The following NEGR1 variants were observed in gnomAD, a reference collection of about 807,000 sequenced individuals.
NEGR1 encodes IgLON family member 4.
In NEGR1, 10 loss-of-function variants were observed where a neutral mutation model predicts 40.9. The ratio of observed to expected loss-of-function variants is 0.24; its 90% CI spans 0.15 to 0.42. The LOEUF is 0.42. Among genes scored for constraint, NEGR1 ranks in the 10% least tolerant of loss-of-function variants. The probability of loss-of-function intolerance (pLI) is 1.00; values close to 1 mark genes in which losing one functional copy is unlikely to be tolerated. For synonymous variants in NEGR1, 185 were observed against 166.8 expected, an observed-to-expected ratio of 1.11 and a Z score of -0.84; for missense variants, 352 against 438.9, an observed-to-expected ratio of 0.80 and a Z score of 1.77.
intron 6 of NEGR1, among the ~76,000 whole-genome samples, chr1:71,421,067 G>A (rs552828702): frequency 6.6e-6 from 1 of 151,984 alleles, no homozygotes; most frequent in South Asian, 2.1e-4. Context: ...TTCATAATGT[G>A]TTCAATTTGA....
chr1:71,519,745 T>C (rs565597805), intron 6 of NEGR1, among the ~76,000 whole-genome samples: 128 of 135,670 alleles, frequency 9.4e-4, no homozygotes, highest in Non-Finnish European at 1.2e-3. Context: ...AAAAAAAAAA[T>C]TAAAAAAAAA....
At chr1:71,481,209 T>C (rs549694291) in intron 6 of NEGR1, among the ~76,000 whole-genome samples, 4 of 151,990 alleles carry the variant, frequency 2.6e-5, no homozygotes, top group African/African-American at 9.6e-5. Flanking sequence ...TGCTATCTTT[T>C]CCTGCCTTCC....
chr1:71,926,177 AC>A (rs1645770417), intron 2 of NEGR1, among the ~76,000 whole-genome samples: 1 of 152,168 alleles, frequency 6.6e-6, no homozygotes, highest in South Asian at 2.1e-4. Flanking sequence ...AGGGATAATT[AC>A]TTTAAATTAT....
intron 1 of NEGR1, among the ~76,000 whole-genome samples, chr1:72,187,671 AT>A (rs57904513): frequency 1 from 150,910 of 151,200 alleles, 75,310 homozygotes; most frequent in Non-Finnish European, 1. Context: ...AACCTGGTAT[AT>A]TTTTTTAGGT....
chr1:71,838,766 A>G (rs185301320), intron 2 of NEGR1, among the ~76,000 whole-genome samples: 3 of 152,266 alleles, frequency 2.0e-5, no homozygotes, highest in Non-Finnish European at 2.9e-5. Context: ...ACATAATAGT[A>G]CAAAAAGCCT....
intron 4 of NEGR1, among the ~76,000 whole-genome samples, chr1:71,639,320 A>T (rs938348113): frequency 6.6e-6 from 1 of 152,096 alleles, no homozygotes; most frequent in African/African-American, 2.4e-5. Context: ...TGAAAAACAG[A>T]ATTGCAATTA....
chr1:72,099,459 TG>T (rs1356424417), intron 1 of NEGR1, among the ~76,000 whole-genome samples: 1 of 152,012 alleles, frequency 6.6e-6, no homozygotes, highest in Non-Finnish European at 1.5e-5. Context: ...AAAATACACA[TG>T]GTATTCTAGC....
chr1:72,012,995 G>A lies in NEGR1; in HGVS notation c.177-77684C>T, dbSNP rs78665786. Among the ~76,000 whole-genome samples, 1,060 of 151,506 alleles carry A rather than the reference G, an allele frequency of 7.0e-3. 15 individuals are homozygous for A. The highest frequency in any genetic ancestry group is 0.022 in the African/African-American group (914 of 41,372). ...AAAAAACAGATTAATAGGAGATATGGCATATAACATTTATTTTAATATGAA... is the reference window on the plus strand; with the variant it reads ...AAAAAACAGATTAATAGGAGATATGACATATAACATTTATTTTAATATGAA... On this transcript the variant is annotated intron_variant, in intron 1 of 6. Transcript: ENST00000357731.
At chr1:71,990,618 T>G (rs542728344) in intron 1 of NEGR1, among the ~76,000 whole-genome samples, 26 of 152,154 alleles carry the variant, frequency 1.7e-4, no homozygotes, top group Non-Finnish European at 3.5e-4. Context: ...CATTTACTCC[T>G]GGTAAAATGA....
intron 1 of NEGR1, among the ~76,000 whole-genome samples, chr1:72,213,585 AG>A (rs1191254499): frequency 6.6e-6 from 1 of 151,984 alleles, no homozygotes; most frequent in African/African-American, 2.4e-5. Context: ...ATGAGGAGAA[AG>A]GGGATATAAA....
intron 4 of NEGR1, among the ~76,000 whole-genome samples, chr1:71,678,820 T>A (rs1218115106): frequency 6.6e-6 from 1 of 152,106 alleles, no homozygotes; most frequent in African/African-American, 2.4e-5. Context: ...TTCGGGGAAC[T>A]GAAAGTACCT....
At chr1:72,061,691 A>G (rs2046504) in intron 1 of NEGR1, among the ~76,000 whole-genome samples, 62,224 of 151,590 alleles carry the variant, frequency 0.41, 13,507 homozygotes, top group Non-Finnish European at 0.49. Flanking sequence ...ATTTTCAAAA[A>G]ATATTCTCAC....
chr1:72,029,232 C>A (rs1314128652), intron 1 of NEGR1, among the ~76,000 whole-genome samples: 1 of 152,102 alleles, frequency 6.6e-6, no homozygotes, highest in Non-Finnish European at 1.5e-5. Flanking sequence ...TGTAATCCTG[C>A]ACTTTGTGAG....
At chr1:71,929,323 C>T (rs777040448) in intron 2 of NEGR1, among the ~76,000 whole-genome samples, 5 of 151,996 alleles carry the variant, frequency 3.3e-5, no homozygotes, top group Admixed American at 6.6e-5. Flanking sequence ...GGTAGGGTAA[C>T]GACACATAAC....
chr1:71,705,663 C>T (rs538082452), intron 3 of NEGR1, among the ~76,000 whole-genome samples: 72 of 151,338 alleles, frequency 4.8e-4, no homozygotes, highest in Non-Finnish European at 8.2e-4. Flanking sequence ...GAGCTTGCAA[C>T]GAGCTGAGAT....
At chr1:72,189,921 TC>T in intron 1 of NEGR1, among the ~76,000 whole-genome samples, 1 of 151,690 alleles carries the variant, frequency 6.6e-6, no homozygotes, top group East Asian at 1.9e-4. Flanking sequence ...ATCATTAGTG[TC>T]AAGTGGTAAA....
intron 6 of NEGR1, among the ~76,000 whole-genome samples, chr1:71,427,901 T>C (rs1402041610): frequency 6.6e-6 from 1 of 152,054 alleles, no homozygotes; most frequent in African/African-American, 2.4e-5. Flanking sequence ...ACAAAGAGAA[T>C]GACCAGCAAA....
chr1:71,709,289 C>T (rs1010655310), intron 3 of NEGR1, among the ~76,000 whole-genome samples: 2 of 152,130 alleles, frequency 1.3e-5, no homozygotes, highest in Non-Finnish European at 2.9e-5. Context: ...TCCTTTTTCT[C>T]CACCACCTCA....
chr1:71,583,540 G>A (rs1471375591), intron 6 of NEGR1, among the ~76,000 whole-genome samples: 1 of 152,156 alleles, frequency 6.6e-6, no homozygotes, highest in Non-Finnish European at 1.5e-5. Context: ...TATCACTTAT[G>A]CAAGTCTTCC....
Sources: gnomAD v4.1 joint callset for allele counts (sites outside exome capture counted in the v4.1 genomes callset) on GRCh38, gnomAD v4.1.1 for gene constraint, MANE v1.5 for transcripts, NCBI Gene and HGNC (gene_info 2026-07-23, HGNC 2026-07-21) for gene names.